The following TGFBR3 variants were observed in gnomAD, a reference collection of about 807,000 sequenced individuals.
TGFBR3 encodes transforming growth factor beta receptor type 3.
In TGFBR3, 46 loss-of-function variants were observed where a neutral mutation model predicts 87.9. The observed-to-expected ratio is 0.52, with a 90% CI of 0.41 to 0.67. TGFBR3 has a LOEUF of 0.67. TGFBR3 is among the 30% of genes least tolerant of loss of function. TGFBR3 has a pLI of 0.00. For synonymous variants in TGFBR3, 381 were observed against 391.6 expected (o/e 0.97, Z 0.32); for missense variants, 866 against 1,041.9 (o/e 0.83, Z 2.32).
chr1:91,693,580 G>C (rs773603183), intron 16 of TGFBR3, among the ~76,000 whole-genome samples: 3 of 152,118 alleles, frequency 2.0e-5, no homozygotes, highest in Non-Finnish European at 4.4e-5. Context: ...ATTTCAGTGG[G>C]GCATGTTCCA....
chr1:91,897,771 C>CTT (rs1169665398), intron 2 of TGFBR3, among the ~76,000 whole-genome samples: 3 of 152,158 alleles, frequency 2.0e-5, no homozygotes, highest in African/African-American at 7.2e-5. Flanking sequence ...GAGAACAAAT[C>CTT]TTATTTATAA....
At chr1:91,836,107 C>G (rs1043342987) in intron 2 of TGFBR3, among the ~76,000 whole-genome samples, 1 of 151,844 alleles carries the variant, frequency 6.6e-6, no homozygotes. Context: ...ATTAGCCAGG[C>G]GTGGTGGTGC....
At chr1:91,855,879 C>T (rs1346414064) in intron 2 of TGFBR3, among the ~76,000 whole-genome samples, 1 of 151,612 alleles carries the variant, frequency 6.6e-6, no homozygotes, top group African/African-American at 2.4e-5. Context: ...TGTTTTTAAC[C>T]CCAATAAATC....
rs1675436869 is a variant in TGFBR3 at position 91,797,476 on chromosome 1, C to T, written c.62-5G>A. ...ACAGTGCACCAGGCTCTGGACCTGC[C>T]AAGGGAATCACAAACACAAGCCACT... is the stretch of plus-strand genomic sequence containing the variant. On this transcript the variant is annotated splice_polypyrimidine_tract_variant and splice_region_variant and intron_variant, in intron 2 of 16. Transcript: ENST00000212355. The T allele has an allele frequency of 6.2e-7, 1 of 1,614,104 alleles. No individual in the cohort carries two copies. Among genetic ancestry groups the T allele is most frequent in the East Asian group, 2.2e-5 (1 of 44,864 alleles).
chr1:91,905,847 C>T lies in TGFBR3; in HGVS notation c.-196G>A, dbSNP rs1310786251. ...TGACCTCAATGTTGCCAGAGCTCTG[C>T]TTCCTTGTGTGTGCTGGCATCCATC... On this transcript the variant is annotated 5_prime_UTR_variant, in exon 1 of 18. Coordinates refer to the TGFBR3 transcript ENST00000370399. 1.2e-4 allele frequency: 19 copies of T among 152,218 alleles called. No homozygotes were observed. In the East Asian group the frequency reaches 3.5e-3, roughly 28 times the overall value. 9.4% of individuals were successfully genotyped at this position (152,218 alleles called of 1,614,324 possible). A position where few individuals can be genotyped will look rare whatever the true frequency, so the allele number is the denominator to read the frequency against.
At chr1:91,728,828 A>G (rs1011197443) in intron 6 of TGFBR3, among the ~76,000 whole-genome samples, 1 of 152,164 alleles carries the variant, frequency 6.6e-6, no homozygotes, top group Non-Finnish European at 1.5e-5. Context: ...GTCCAGATGC[A>G]AAGGAAGGAG....
intron 3 of TGFBR3, chr1:91,770,885 C>T (rs1254815703): frequency 6.6e-6 from 1 of 152,184 alleles, no homozygotes; most frequent in African/African-American, 2.4e-5. Flanking sequence ...TAGTGCGCTG[C>T]TTTCTGAATC....
chr1:91,874,751 C>T (rs533850780), intron 1 of TGFBR3, among the ~76,000 whole-genome samples: 15 of 152,198 alleles, frequency 9.9e-5, no homozygotes, highest in Non-Finnish European at 7.4e-5. Flanking sequence ...CCTCAGCCTC[C>T]CAAAGTGCTG....
chr1:91,903,159 C>T (rs970510385), intron 1 of TGFBR3, among the ~76,000 whole-genome samples: 4 of 150,664 alleles, frequency 2.7e-5, no homozygotes, highest in Non-Finnish European at 5.9e-5. Context: ...ACCAACATGG[C>T]GAAACCCTGT....
chr1:91,726,810 A>T (rs1672566180), intron 7 of TGFBR3, among the ~76,000 whole-genome samples: 1 of 148,208 alleles, frequency 6.7e-6, no homozygotes, highest in African/African-American at 2.5e-5. Context: ...AAAAAAAAAA[A>T]AAAAAATTTG....
intron 2 of TGFBR3, among the ~76,000 whole-genome samples, chr1:91,814,826 A>G (rs1571538090): frequency 2.0e-5 from 3 of 152,378 alleles, no homozygotes. Context: ...AGGTATAAAT[A>G]AACGGGCAAA....
chr1:91,684,371 A>G (rs1671018060), intron 16 of TGFBR3, among the ~76,000 whole-genome samples: 1 of 152,220 alleles, frequency 6.6e-6, no homozygotes, highest in Non-Finnish European at 1.5e-5. Flanking sequence ...TGTCCTAGCT[A>G]CAGTAGAGAG....
intron 2 of TGFBR3, among the ~76,000 whole-genome samples, chr1:91,801,726 G>A (rs777589329): frequency 6.6e-6 from 1 of 152,000 alleles, no homozygotes; most frequent in Non-Finnish European, 1.5e-5. Context: ...GGAGAGGGAG[G>A]CAATGCTTAT....
intron 2 of TGFBR3, among the ~76,000 whole-genome samples, chr1:91,818,058 G>A (rs1676298255): frequency 6.6e-6 from 1 of 151,870 alleles, no homozygotes; most frequent in South Asian, 2.1e-4. Flanking sequence ...TGGTTACTTA[G>A]CTTTTTCTTT....
At chr1:91,895,202 G>A (rs1243527339) in intron 2 of TGFBR3, among the ~76,000 whole-genome samples, 1 of 152,122 alleles carries the variant, frequency 6.6e-6, no homozygotes, top group Non-Finnish European at 1.5e-5. Flanking sequence ...GGATCATGAA[G>A]GCGAATTTCT....
At chr1:91,782,345 AT>A (rs1202235229) in intron 3 of TGFBR3, among the ~76,000 whole-genome samples, 2 of 152,282 alleles carry the variant, frequency 1.3e-5, no homozygotes, top group East Asian at 3.9e-4. Context: ...GTTGCCTTTG[AT>A]TTTGGAAGAT....
intron 1 of TGFBR3, among the ~76,000 whole-genome samples, chr1:91,904,195 A>G (rs1679795137): frequency 6.6e-6 from 1 of 152,186 alleles, no homozygotes; most frequent in Admixed American, 6.5e-5. Context: ...AAACTATAGT[A>G]AAACCCTGCT....
chr1:91,770,204 ACAACTGTTGATCC>A (rs1197358305), intron 3 of TGFBR3, among the ~76,000 whole-genome samples: 3 of 152,098 alleles, frequency 2.0e-5, no homozygotes, highest in Non-Finnish European at 4.4e-5. Context: ...CCATGCTAGA[ACAACTGTTGATCC>A]CAACCCTGGA....
chr1:91,824,515 G>A (rs1411927893), intron 2 of TGFBR3, among the ~76,000 whole-genome samples: 1 of 152,160 alleles, frequency 6.6e-6, no homozygotes, highest in African/African-American at 2.4e-5. Context: ...CATGCCATGG[G>A]TGCCCATTCA....
Sources: allele counts gnomAD v4.1 joint callset (sites outside exome capture counted in the v4.1 genomes callset), GRCh38; gene constraint gnomAD v4.1.1; transcripts MANE v1.5; gene names NCBI Gene and HGNC (gene_info 2026-07-23, HGNC 2026-07-21).